Variants in EXT1 observed in about 807,000 individuals in gnomAD.
EXT1 encodes exostosin-1.
In EXT1, 20 loss-of-function variants were observed where a neutral mutation model predicts 82.5. That is an observed-to-expected ratio of 0.24 (90% CI 0.17 to 0.35). The LOEUF is 0.35. Among genes scored for constraint, EXT1 ranks in the 10% least tolerant of loss-of-function variants. EXT1 has a pLI of 1.00. For synonymous variants in EXT1, 348 were observed against 350.8 expected (o/e 0.99, Z 0.09); for missense variants, 757 against 936.5 (o/e 0.81, Z 2.50).
chr8:118,051,628 T>C (rs1045580899), intron 1 of EXT1, among the ~76,000 whole-genome samples: 8 of 151,918 alleles, frequency 5.3e-5, no homozygotes, highest in African/African-American at 1.4e-4. Flanking sequence ...GACAGGCTGA[T>C]TTACTAATTT....
chr8:117,992,691 G>A (rs571312799), intron 1 of EXT1, among the ~76,000 whole-genome samples: 2 of 152,128 alleles, frequency 1.3e-5, no homozygotes, highest in East Asian at 1.9e-4. Context: ...TTGGTCTCCC[G>A]ACAAGACAAG....
At position 117,794,715 on chromosome 8, in the gene EXT1, C is replaced by A. The variant is rs1823067808; in HGVS notation, c.*4997G>T. On this transcript the variant is annotated 3_prime_UTR_variant, in exon 11 of 11. Coordinates refer to ENST00000378204, the MANE Select transcript of EXT1 (RefSeq NM_000127.3). Reference sequence around the variant, plus strand: ...GCTTAATTACGCTAAGTCATTAATACTCTATAACAAATGGGAAAAACACTT... The same window carrying A: ...GCTTAATTACGCTAAGTCATTAATAATCTATAACAAATGGGAAAAACACTT... 6.6e-6 allele frequency: 1 copy of A among 152,086 alleles called. No individual in the cohort carries two copies. Among genetic ancestry groups the A allele is most frequent in the South Asian group, 2.1e-4 (1 of 4,826 alleles). 9.4% of individuals were successfully genotyped at this position (152,086 alleles called of 1,614,324 possible). A position where few individuals can be genotyped will look rare whatever the true frequency, so the allele number is the denominator to read the frequency against.
chr8:117,941,631 C>A (rs1814274531), intron 1 of EXT1, among the ~76,000 whole-genome samples: 1 of 152,224 alleles, frequency 6.6e-6, no homozygotes, highest in Admixed American at 6.5e-5. Flanking sequence ...CACATCCAGC[C>A]TTCTTAAGAG....
intron 1 of EXT1, among the ~76,000 whole-genome samples, chr8:118,013,565 A>G (rs1815945672): frequency 6.6e-6 from 1 of 152,148 alleles, no homozygotes; most frequent in Admixed American, 6.5e-5. Flanking sequence ...GACAGCAGAG[A>G]CCCAAGAATG....
At chr8:117,940,467 G>A (rs1814249539) in intron 1 of EXT1, among the ~76,000 whole-genome samples, 1 of 152,218 alleles carries the variant, frequency 6.6e-6, no homozygotes, top group South Asian at 2.1e-4. Context: ...AGGCATCAAG[G>A]AAGGATGTTA....
rs2130045363 is a variant in EXT1, at chr8:118,110,909, C to T, written c.138G>A (p.Leu46=). 6.2e-7 allele frequency: 1 copy of T among 1,614,028 alleles called. No individual in the cohort carries two copies. The highest frequency in any genetic ancestry group is 1.1e-5 in the South Asian group (1 of 91,086). Residue 46 remains leucine, a synonymous_variant, in exon 1 of 11, where the codon TTG becomes TTA. Transcript: ENST00000378204. The part of the protein sequence containing the change: ...RREEHSGRNG[L]HHPSPDHFWP... ...AGAAATGATCCGGACTGGGGTGGTG[C>T]AAGCCATTCCTACCGCTGTGTTCTT...
At chr8:117,945,302 T>C (rs549928965) in intron 1 of EXT1, among the ~76,000 whole-genome samples, 1 of 152,222 alleles carries the variant, frequency 6.6e-6, no homozygotes, top group Non-Finnish European at 1.5e-5. Flanking sequence ...GTAACCCCTG[T>C]ACATCACCCT....
At chr8:118,014,356 G>A (rs1815963525) in intron 1 of EXT1, among the ~76,000 whole-genome samples, 1 of 152,032 alleles carries the variant, frequency 6.6e-6, no homozygotes, top group African/African-American at 2.4e-5. Context: ...GTCATTTTTG[G>A]TCTGCCTGGT....
At chr8:117,853,175 G>A (rs1812484531) in intron 1 of EXT1, among the ~76,000 whole-genome samples, 1 of 152,194 alleles carries the variant, frequency 6.6e-6, no homozygotes, top group African/African-American at 2.4e-5. Context: ...ATTTTGCTGT[G>A]ATGTAGACTA....
intron 1 of EXT1, among the ~76,000 whole-genome samples, chr8:118,018,028 T>C (rs1816032217): frequency 6.6e-6 from 1 of 152,244 alleles, no homozygotes; most frequent in African/African-American, 2.4e-5. Context: ...CAATTTTTTC[T>C]TACAATTAAT....
intron 1 of EXT1, among the ~76,000 whole-genome samples, chr8:118,049,504 G>C (rs982669558): frequency 3.3e-5 from 5 of 152,280 alleles, no homozygotes; most frequent in Admixed American, 3.3e-4. Context: ...ACAGCACAAA[G>C]GGAAAGGGGG....
rs1402270319 is a variant in EXT1, at chr8:118,073,954, G to A, written c.962+36131C>T. On this transcript the variant is annotated intron_variant, in intron 1 of 10. Transcript: ENST00000378204. ...TTCATTAGAGAAGGGAGGAGGGTTC[G>A]CCTGGAACCTTCCTTCTCAGTTAAC... 2.0e-5 allele frequency among the ~76,000 whole-genome samples: 3 copies of A among 152,064 alleles called. No homozygotes were observed. In the East Asian group the frequency reaches 5.8e-4, roughly 29 times the overall value.
chr8:117,912,872 A>G (rs895263248), intron 1 of EXT1, among the ~76,000 whole-genome samples: 3 of 152,194 alleles, frequency 2.0e-5, no homozygotes, highest in Non-Finnish European at 4.4e-5. Context: ...GTGCATAAGA[A>G]CTAAATAAGA....
chr8:117,907,387 C>T (rs573057640), intron 1 of EXT1, among the ~76,000 whole-genome samples: 1 of 152,296 alleles, frequency 6.6e-6, no homozygotes, highest in South Asian at 2.1e-4. Context: ...TTGGAGAGAA[C>T]AATCGACAAA....
chr8:117,900,252 G>C (rs1288525702), intron 1 of EXT1, among the ~76,000 whole-genome samples: 2 of 152,222 alleles, frequency 1.3e-5, no homozygotes, highest in Non-Finnish European at 2.9e-5. Flanking sequence ...GAAGAGCAAT[G>C]ATGTTTGCTA....
chr8:118,038,527 A>C (rs1284379250), intron 1 of EXT1, among the ~76,000 whole-genome samples: 5 of 152,188 alleles, frequency 3.3e-5, no homozygotes, highest in Non-Finnish European at 7.3e-5. Flanking sequence ...ATTTAAAAAC[A>C]GCTCAGGTCA....
chr8:118,099,976 A>C (rs904406375), intron 1 of EXT1, among the ~76,000 whole-genome samples: 1 of 152,230 alleles, frequency 6.6e-6, no homozygotes, highest in African/African-American at 2.4e-5. Context: ...ATGACCACCA[A>C]GTAAATCAAG....
intron 1 of EXT1, among the ~76,000 whole-genome samples, chr8:117,881,619 T>C (rs1813060065): frequency 6.6e-6 from 1 of 152,184 alleles, no homozygotes; most frequent in Non-Finnish European, 1.5e-5. Context: ...GATGATTGGT[T>C]TGCGGCAACG....
chr8:117,986,008 C>T (rs1815309154), intron 1 of EXT1, among the ~76,000 whole-genome samples: 1 of 152,098 alleles, frequency 6.6e-6, no homozygotes, highest in South Asian at 2.1e-4. Context: ...TTTACATAAA[C>T]CCTAGTGTAT....
Sources: allele counts gnomAD v4.1 joint callset (sites outside exome capture counted in the v4.1 genomes callset), GRCh38; gene constraint gnomAD v4.1.1; transcripts MANE v1.5; gene names NCBI Gene and HGNC (gene_info 2026-07-23, HGNC 2026-07-21).